The following UAP1L1 variants were observed in gnomAD, a reference collection of about 807,000 sequenced individuals.
UAP1L1 encodes the protein UDP-N-acetylhexosamine pyrophosphorylase-like protein 1.
UAP1L1 carries 45 observed loss-of-function variants against 45.3 expected under a neutral mutation model. The ratio of observed to expected loss-of-function variants is 0.99; its 90% CI spans 0.78 to 1.27. UAP1L1 has a LOEUF of 1.27. UAP1L1 is among the 50% of genes most tolerant of loss of function. The pLI is 0.00. For missense variants in UAP1L1, 667 were observed against 694.0 expected (o/e 0.96, Z 0.44); for synonymous variants, 323 against 303.9 (o/e 1.06, Z -0.65).
At position 137,078,219 on chromosome 9, in the gene UAP1L1, C is replaced by T. The variant is rs1832724655; in HGVS notation, c.459C>T (p.Ala153=). 6.5e-7 allele frequency: 1 copy of T among 1,547,448 alleles called. No individual in the cohort carries two copies. The highest frequency in any genetic ancestry group is 8.7e-7 in the Non-Finnish European group (1 of 1,146,412). ...GGATTCGGCGGGTGGAGCAGCTGGCCGGTGAGCGCCACGGGACCCGCTGCA... is the reference window on the plus strand; with the variant it reads ...GGATTCGGCGGGTGGAGCAGCTGGCTGGTGAGCGCCACGGGACCCGCTGCA... The part of the protein sequence containing the change: ...AERIRRVEQL[A]GERHGTRCTV... Residue 153 remains alanine (A), a synonymous_variant, in exon 2 of 9, where the codon GCC becomes GCT. Transcript: ENST00000409858.
At position 137,078,674 on chromosome 9, in the gene UAP1L1, C is replaced by T; in HGVS notation, c.667C>T (p.Pro223Ser). The change falls in exon 3 of 9, where the codon CCA becomes TCA. Residue 223 changes from proline (P) to serine (S), a missense_variant. By Grantham distance (74) the Pro-to-Ser change is moderately conservative (BLOSUM62 -1). Coordinates refer to ENST00000409858, the MANE Select transcript of UAP1L1 (RefSeq NM_207309.3). ...GCGGAAAGACAAAGTTGCCATGGCC[C>T]CAGGTGTGGCCCGTTCCTGAGACGG... The part of the protein sequence containing the change: ...LERKDKVAMA[P>S]DGNGGLYCAL... 1 of 1,610,558 alleles carries T rather than the reference C, an allele frequency of 6.2e-7. No individual in the cohort carries two copies. The highest frequency in any genetic ancestry group is 1.1e-5 in the South Asian group (1 of 90,936).
At chr9:137,080,435 G>T in intron 6 of UAP1L1, 2 of 587,582 alleles carry the variant, frequency 3.4e-6, no homozygotes, top group Non-Finnish European at 3.0e-6. Context: ...TTGCCAGGGC[G>T]GCTCGCAGGG....
chr9:137,082,797 C>A lies in UAP1L1; in HGVS notation c.*68C>A, dbSNP rs1832812502. The A allele has an allele frequency of 7.4e-7, 1 of 1,351,340 alleles. No homozygotes were observed. The highest frequency in any genetic ancestry group is 2.5e-5 in the East Asian group (1 of 39,736). The allele number at this position is 1,351,340 out of a possible 1,614,324, so 83.7% of individuals were successfully genotyped here. On this transcript the variant is annotated 3_prime_UTR_variant, in exon 9 of 9. Transcript: ENST00000409858. The surrounding 1 kb of genome is among the most constrained non-coding windows in gnomAD (Gnocchi z 5.7). Reference sequence around the variant, plus strand: ...CCGGCATCCTGGAAGTCCCGACTCCCCCCAGACCTGCCAGCCCCGGCGTCC... The same window carrying A: ...CCGGCATCCTGGAAGTCCCGACTCCACCCAGACCTGCCAGCCCCGGCGTCC...
chr9:137,079,202 G>A (rs979467811), intron 4 of UAP1L1, 54 bp downstream of exon 4: 68 of 1,585,626 alleles, frequency 4.3e-5, no homozygotes, highest in Non-Finnish European at 5.6e-5. Flanking sequence ...CGCCCCTCAC[G>A]GAGCCCCGCC....
In UAP1L1 at chr9:137,078,959, C is replaced by G. The variant is rs1832741494; in HGVS notation, c.671-17C>G. 1 of 1,575,792 alleles carries G rather than the reference C, an allele frequency of 6.3e-7. No individual in the cohort carries two copies. The highest frequency in any genetic ancestry group is 2.1e-5 in the Admixed American group (1 of 48,688). On this transcript the variant is annotated splice_polypyrimidine_tract_variant and intron_variant, in intron 3 of 8. Coordinates refer to ENST00000409858, the MANE Select transcript of UAP1L1 (RefSeq NM_207309.3). ...GGCGGGAGCCCTCGCGATGCCCATTCCCTTCTCCGTCTGCAGACGGCAACG... is the reference window on the plus strand; with the variant it reads ...GGCGGGAGCCCTCGCGATGCCCATTGCCTTCTCCGTCTGCAGACGGCAACG...
At position 137,082,524 on chromosome 9, in the gene UAP1L1, G is replaced by A; in HGVS notation, c.1432-113G>A. 1 of 864,726 alleles carries A rather than the reference G, an allele frequency of 1.2e-6. No individual in the cohort carries two copies. The highest frequency in any genetic ancestry group is 1.7e-5 in the African/African-American group (1 of 59,480). 53.6% of individuals were successfully genotyped at this position (864,726 alleles called of 1,614,324 possible). Reference sequence around the variant, plus strand: ...AGCCTTTCTGTCCCCACCCCTCCCTGACTCCAGGCAGACCTGGGATCGCAC... The same window carrying A: ...AGCCTTTCTGTCCCCACCCCTCCCTAACTCCAGGCAGACCTGGGATCGCAC... On this transcript the variant is annotated intron_variant, in intron 8 of 8. Transcript: ENST00000409858. This position sits in a 1 kb window ranked among gnomAD's most constrained non-coding sequence, Gnocchi z 5.7.
In UAP1L1 at chr9:137,079,321, G is replaced by C; in HGVS notation, c.909G>C (p.Gln303His). 1 of 1,613,228 alleles carries C rather than the reference G, an allele frequency of 6.2e-7. No individual in the cohort carries two copies. Among genetic ancestry groups the C allele is most frequent in the East Asian group, 2.2e-5 (1 of 44,868 alleles). ...TGTGCCAGGTGGACGGTGTCCCCCA[G>C]GTGGTGGAGTACAGCGAGATCAGTC... ...GVVCQVDGVP[Q>H]VVEYSEISPE... Residue 303 changes from glutamine (Q) to histidine (H), a missense_variant, in exon 5 of 9, where the codon CAG becomes CAC. Coordinates refer to ENST00000409858, the MANE Select transcript of UAP1L1 (RefSeq NM_207309.3).
chr9:137,082,993 C>A lies in UAP1L1; in HGVS notation c.*264C>A, dbSNP rs1035848596. ...ACAGCCTGCTGGGGGCTCTGTGGCT[C>A]CATTCCTGGCTGTGGGGTCTAGTCA... On this transcript the variant is annotated 3_prime_UTR_variant, in exon 9 of 9. Coordinates refer to ENST00000409858, the MANE Select transcript of UAP1L1 (RefSeq NM_207309.3). The surrounding 1 kb of genome is among the most constrained non-coding windows in gnomAD (Gnocchi z 5.7). 2.1e-5 allele frequency: 10 copies of A among 465,554 alleles called. No homozygotes were observed. In the Admixed American group the frequency reaches 3.3e-4, roughly 15 times the overall value. 28.8% of individuals were successfully genotyped at this position (465,554 alleles called of 1,614,324 possible). A position where few individuals can be genotyped will look rare whatever the true frequency, so the allele number is the denominator to read the frequency against.
chr9:137,077,596 T>C lies in UAP1L1; in HGVS notation c.64T>C (p.Phe22Leu). ...QRAGQEHLLR[F>L]WAELAPEPRA... Reference sequence around the variant, plus strand: ...CGCTGGCCAGGAGCACCTCCTGCGCTTCTGGGCCGAGCTGGCGCCGGAGCC... The same window carrying C: ...CGCTGGCCAGGAGCACCTCCTGCGCCTCTGGGCCGAGCTGGCGCCGGAGCC... Residue 22 changes from phenylalanine (F) to leucine (L), a missense_variant, in exon 1 of 9, where the codon TTC (phenylalanine) becomes CTC (leucine). Coordinates refer to ENST00000409858, the MANE Select transcript of UAP1L1 (RefSeq NM_207309.3). The surrounding 1 kb of genome is among the most constrained non-coding windows in gnomAD (Gnocchi z 4.7). 1 of 1,365,438 alleles carries C rather than the reference T, an allele frequency of 7.3e-7. No individual in the cohort carries two copies. The highest frequency in any genetic ancestry group is 9.5e-7 in the Non-Finnish European group (1 of 1,048,598). 84.6% of individuals were successfully genotyped at this position (1,365,438 alleles called of 1,614,324 possible).
rs779237748 is a variant in UAP1L1 at position 137,079,995 on chromosome 9, G to A, written c.1038-7G>A. On this transcript the variant is annotated splice_polypyrimidine_tract_variant and splice_region_variant and intron_variant, in intron 5 of 8. Coordinates refer to ENST00000409858, the MANE Select transcript of UAP1L1 (RefSeq NM_207309.3). Reference sequence around the variant, plus strand: ...TCTTTCCTCCCCTCTGCTCTCCCGTGCCCCAGGGAGTTTGAGCCTTTGCTG... The same window carrying A: ...TCTTTCCTCCCCTCTGCTCTCCCGTACCCCAGGGAGTTTGAGCCTTTGCTG... 4.3e-6 allele frequency: 7 copies of A among 1,613,196 alleles called. No homozygotes were observed. In the South Asian group the frequency reaches 7.7e-5, roughly 18 times the overall value.
chr9:137,077,998 G>A lies in UAP1L1; in HGVS notation c.290-52G>A. 6.5e-7 allele frequency: 1 copy of A among 1,539,498 alleles called. No individual in the cohort carries two copies. Among genetic ancestry groups the A allele is most frequent in the Non-Finnish European group, 8.7e-7 (1 of 1,146,670 alleles). ...AGCCCCAGAGTTGGTTTCCCCTAAA[G>A]CGGAAGGGTGGGCGGGTCCCGGGCG... is the stretch of plus-strand genomic sequence containing the variant. On this transcript the variant is annotated intron_variant, in intron 1 of 8. Coordinates refer to ENST00000409858, the MANE Select transcript of UAP1L1 (RefSeq NM_207309.3). This position sits in a 1 kb window ranked among gnomAD's most constrained non-coding sequence, Gnocchi z 4.7.
intron 7 of UAP1L1, 32 bp downstream of exon 7, chr9:137,080,906 AAGGGG>A: frequency 6.6e-7 from 1 of 1,526,182 alleles, no homozygotes; most frequent in Non-Finnish European, 8.7e-7. Context: ...CTACAGCCAG[AAGGGG>A]AGGGCTGTCA....
In UAP1L1 at chr9:137,078,939, G is replaced by A. The variant is rs377202424; in HGVS notation, c.671-37G>A. Reference sequence around the variant, plus strand: ...AGACTCCCAGAGCGATCCCTGGCGGGAGCCCTCGCGATGCCCATTCCCTTC... The same window carrying A: ...AGACTCCCAGAGCGATCCCTGGCGGAAGCCCTCGCGATGCCCATTCCCTTC... On this transcript the variant is annotated intron_variant, in intron 3 of 8. Transcript: ENST00000409858. 2.7e-4 allele frequency: 418 copies of A among 1,553,584 alleles called. 1 individual carries two copies. The highest frequency in any genetic ancestry group is 3.5e-4 in the Non-Finnish European group (399 of 1,155,996).
rs1001198016 is a variant in UAP1L1, at chr9:137,082,800, C to A, written c.*71C>A. On this transcript the variant is annotated 3_prime_UTR_variant, in exon 9 of 9. Coordinates refer to ENST00000409858, the MANE Select transcript of UAP1L1 (RefSeq NM_207309.3). The surrounding 1 kb of genome is among the most constrained non-coding windows in gnomAD (Gnocchi z 5.7). ...GCATCCTGGAAGTCCCGACTCCCCC[C>A]AGACCTGCCAGCCCCGGCGTCCTGG... The A allele has an allele frequency of 2.5e-5, 32 of 1,298,066 alleles. No homozygotes were observed. In the Admixed American group the frequency reaches 4.1e-4, roughly 17 times the overall value. 80.4% of individuals were successfully genotyped at this position (1,298,066 alleles called of 1,614,324 possible). A position where few individuals can be genotyped will look rare whatever the true frequency, so the allele number is the denominator to read the frequency against.
rs1832830130 is a variant in UAP1L1 at position 137,084,027 on chromosome 9, T to G, written c.*1298T>G. The G allele has an allele frequency of 6.6e-6, 1 of 152,638 alleles. No individual in the cohort carries two copies. The highest frequency in any genetic ancestry group is 2.1e-4 in the South Asian group (1 of 4,834). The allele number at this position is 152,638 out of a possible 1,614,324, so 9.5% of individuals were successfully genotyped here. On this transcript the variant is annotated 3_prime_UTR_variant, in exon 9 of 9. Transcript: ENST00000409858. ...GCTCAGGCCCACACCTTGTGATTTT[T>G]GAAACCAAAGCCCAGAAGATGATGT...
chr9:137,079,942 C>A, intron 5 of UAP1L1, 60 bp from the exon 6 acceptor site: 1 of 1,589,316 alleles, frequency 6.3e-7, no homozygotes, highest in East Asian at 2.2e-5. Context: ...GGGGACAGAG[C>A]CCCCAGCGGT....
Position 137,080,718 on chromosome 9 carries a change from A to C in UAP1L1, c.1208A>C (p.Glu403Ala). The change falls in exon 7 of 9, where the codon GAG becomes GCG. Residue 403 changes from glutamate to alanine, a missense_variant. Glu to Ala is a moderately radical substitution (Grantham distance 107). Transcript: ENST00000409858. ...TTTGCTGCCTTGGAAGTGCTGCGGG[A>C]GGAGGAATTTTCCCCACTGAAGAAC... is the stretch of plus-strand genomic sequence containing the variant. ...KNFAALEVLR[E>A]EEFSPLKNAE... is the part of the protein sequence containing the mutation. 1 of 1,612,410 alleles carries C rather than the reference A, an allele frequency of 6.2e-7. No homozygotes were observed. Among genetic ancestry groups the C allele is most frequent in the Non-Finnish European group, 8.5e-7 (1 of 1,179,680 alleles).
intron 5 of UAP1L1, 62 bp downstream of exon 5, chr9:137,079,511 G>A: frequency 9.4e-6 from 14 of 1,496,098 alleles, no homozygotes; most frequent in South Asian, 3.9e-5. Context: ...CCAGGGACCC[G>A]CGGGGTCCCA....
rs149216698 is a variant in UAP1L1 at position 137,082,678 on chromosome 9, G to A, written c.1473G>A (p.Pro491=). ...TGCAAGGCCGGGAGTTCCAGTCCCCGCTCATCCTGGATGAAGACCAGGCCA... is the reference window on the plus strand; with the variant it reads ...TGCAAGGCCGGGAGTTCCAGTCCCCACTCATCCTGGATGAAGACCAGGCCA... ...VYLQGREFQS[P]LILDEDQARE... is the part of the protein sequence containing the mutation. Residue 491 remains proline (P), a synonymous_variant, in exon 9 of 9, where the codon CCG becomes CCA. Transcript: ENST00000409858. The surrounding 1 kb of genome is among the most constrained non-coding windows in gnomAD (Gnocchi z 5.7). 1.2e-5 allele frequency: 19 copies of A among 1,551,948 alleles called. No homozygotes were observed. The highest frequency in any genetic ancestry group is 1.7e-4 in the Middle Eastern group (1 of 5,864).
Sources: gnomAD v4.1 joint callset for allele counts on GRCh38, gnomAD v4.1.1 for gene constraint, Gnocchi (gnomAD v3.1) non-coding constraint, MANE v1.5 for transcripts, NCBI Gene and HGNC (gene_info 2026-07-23, HGNC 2026-07-21) for gene names.